FAM13C: variants seen among roughly 807,000 people sequenced by gnomAD.
FAM13C encodes the protein protein FAM13C.
Under a neutral mutation model 73.2 loss-of-function variants are expected in FAM13C, and 37 were observed. The observed-to-expected ratio is 0.51, with a 90% CI of 0.39 to 0.67. The LOEUF is 0.67. FAM13C is among the 30% of genes least tolerant of loss of function. The pLI, the probability that FAM13C is intolerant of heterozygous loss-of-function variation, is 0.00. For synonymous variants in FAM13C, 246 were observed against 260.9 expected, an observed-to-expected ratio of 0.94 and a Z score of 0.55; for missense variants, 589 against 715.6, an observed-to-expected ratio of 0.82 and a Z score of 2.02.
At chr10:59,326,260 G>A (rs904181843) in intron 3 of FAM13C, among the ~76,000 whole-genome samples, 1 of 152,162 alleles carries the variant, frequency 6.6e-6, no homozygotes. Flanking sequence ...AAGATAAGGA[G>A]TATTTGGACA....
rs1845163174 is a variant in FAM13C, at chr10:59,283,408, G to T, written c.547C>A (p.Pro183Thr). ...GCAAGCACGCTCTGGGTTGATGCTGGCGCCGGGTCCTTGACTCCATGCACC... is the reference window on the plus strand; with the variant it reads ...GCAAGCACGCTCTGGGTTGATGCTGTCGCCGGGTCCTTGACTCCATGCACC... ...AQVHGVKDPA[P>T]ASTQSVLADG... The change falls in exon 6 of 14, where the codon CCA becomes ACA. Residue 183 changes from proline to threonine, a missense_variant. By Grantham distance (38) the Pro-to-Thr change is conservative. Transcript: ENST00000618804. 6.2e-7 allele frequency: 1 copy of T among 1,614,198 alleles called. No homozygotes were observed. Among genetic ancestry groups the T allele is most frequent in the Non-Finnish European group, 8.5e-7 (1 of 1,180,026 alleles).
intron 8 of FAM13C, among the ~76,000 whole-genome samples, chr10:59,267,389 C>A (rs1253921029): frequency 6.6e-6 from 1 of 152,186 alleles, no homozygotes; most frequent in African/African-American, 2.4e-5. Flanking sequence ...CAAGTCATTT[C>A]CATCAGGTGT....
intron 3 of FAM13C, 55 bp from the exon 4 acceptor site, chr10:59,324,161 G>A (rs1460503785): frequency 1.5e-6 from 2 of 1,363,024 alleles, no homozygotes; most frequent in East Asian, 2.3e-5. Context: ...CAGTTCCATA[G>A]CATTATTATG....
chr10:59,260,051 G>A (rs1345267930), intron 10 of FAM13C, among the ~76,000 whole-genome samples: 1 of 151,628 alleles, frequency 6.6e-6, no homozygotes, highest in Non-Finnish European at 1.5e-5. Flanking sequence ...TCAGTAAATG[G>A]ACCCATCACC....
intron 6 of FAM13C, among the ~76,000 whole-genome samples, chr10:59,280,995 C>T (rs1055064079): frequency 6.6e-5 from 10 of 152,112 alleles, no homozygotes; most frequent in Non-Finnish European, 7.3e-5. Flanking sequence ...TTCAAAATCA[C>T]GGATTTTGTC....
chr10:59,269,917 C>A lies in FAM13C; in HGVS notation c.785G>T (p.Ser262Ile). The A allele has an allele frequency of 6.2e-7, 1 of 1,613,838 alleles. No individual in the cohort carries two copies. The highest frequency in any genetic ancestry group is 8.5e-7 in the Non-Finnish European group (1 of 1,179,872). Residue 262 changes from serine (S) to isoleucine (I), a missense_variant, in exon 7 of 14, where the codon AGC becomes ATC. Transcript: ENST00000618804. The stretch of plus-strand genomic sequence containing the variant: ...TTCTCACATCATAAACTGCTGAGTG[C>A]TGGGTGGAGATGGGGCTGACTCGGG... ...LDPESAPSPP[S>I]TQQFMMPRSS...
chr10:59,269,818 A>C (rs1443360896), intron 7 of FAM13C, 81 bp downstream of exon 7: 1 of 1,483,868 alleles, frequency 6.7e-7, no homozygotes, highest in Non-Finnish European at 9.2e-7. Flanking sequence ...GTGCTACTTC[A>C]GTCACACTTC....
At position 59,262,504 on chromosome 10, in the gene FAM13C, T is replaced by G. The variant is rs1842609268; in HGVS notation, c.1166A>C (p.Glu389Ala). 1 of 1,613,632 alleles carries G rather than the reference T, an allele frequency of 6.2e-7. No homozygotes were observed. ...AGPEPSSSGE[E>A]TPDAALTCLK... is the part of the protein sequence containing the mutation. ...GCATGTCAAGGCAGCATCTGGAGTC[T>G]CTTCTCCAGAGGAGCTTGGCTCCGG... The change falls in exon 10 of 14, where the codon GAG becomes GCG. Residue 389 changes from glutamate to alanine, a missense_variant. Coordinates refer to ENST00000618804, the MANE Select transcript of FAM13C (RefSeq NM_198215.4).
At chr10:59,285,485 T>C (rs1368514880) in intron 5 of FAM13C, among the ~76,000 whole-genome samples, 2 of 152,028 alleles carry the variant, frequency 1.3e-5, no homozygotes, top group African/African-American at 4.8e-5. Flanking sequence ...GATTAACAAA[T>C]AATGCCATGG....
chr10:59,329,156 T>C (rs1273457676), intron 3 of FAM13C, among the ~76,000 whole-genome samples: 1 of 152,068 alleles, frequency 6.6e-6, no homozygotes, highest in Admixed American at 6.6e-5. Flanking sequence ...CTTTAAGAAA[T>C]AGGGAACCAA....
At chr10:59,326,185 T>C (rs1851096947) in intron 3 of FAM13C, among the ~76,000 whole-genome samples, 1 of 152,092 alleles carries the variant, frequency 6.6e-6, no homozygotes, top group Non-Finnish European at 1.5e-5. Flanking sequence ...AGAAAGTGCC[T>C]CCTTAATATG....
At chr10:59,282,379 T>C (rs1283969266) in intron 6 of FAM13C, among the ~76,000 whole-genome samples, 2 of 152,142 alleles carry the variant, frequency 1.3e-5, no homozygotes, top group African/African-American at 2.4e-5. Flanking sequence ...ACTATGTGGG[T>C]CTGTTTTCTT....
At chr10:59,262,734 C>T in intron 9 of FAM13C, 89 bp from the exon 10 acceptor site, 1 of 1,107,230 alleles carries the variant, frequency 9.0e-7, no homozygotes. Context: ...TCCCCTGATG[C>T]CAAATCTGTA....
At chr10:59,349,228 T>C (rs284611) in intron 3 of FAM13C, among the ~76,000 whole-genome samples, 151,228 of 152,358 alleles carry the variant, frequency 0.99, 75,062 homozygotes, top group Middle Eastern at 1. Context: ...ACATTTTCCT[T>C]CAATGGTTGC....
At chr10:59,308,901 G>A (rs1198332119) in intron 4 of FAM13C, among the ~76,000 whole-genome samples, 1 of 152,132 alleles carries the variant, frequency 6.6e-6, no homozygotes, top group Non-Finnish European at 1.5e-5. Context: ...AGGTGTACTG[G>A]AGTTCAAAAC....
At chr10:59,301,760 T>C (rs192698565) in intron 5 of FAM13C, among the ~76,000 whole-genome samples, 3 of 152,318 alleles carry the variant, frequency 2.0e-5, no homozygotes, top group Admixed American at 6.5e-5. Context: ...AGGAAGATTG[T>C]AGAATTTGGA....
intron 3 of FAM13C, 110 bp from the exon 4 acceptor site, chr10:59,324,216 T>A (rs1480933701): frequency 1.4e-5 from 11 of 798,660 alleles, no homozygotes; most frequent in African/African-American, 3.5e-5. Flanking sequence ...GCATAACACA[T>A]TCTGCTGATT....
chr10:59,268,539 C>G lies in FAM13C; in HGVS notation c.942+14G>C, dbSNP rs759342873. The stretch of plus-strand genomic sequence containing the variant: ...TGACCAATCCGCTCCTATGTCAAAC[C>G]CCAGGGTTCTTACCCGGTATTTCTT... On this transcript the variant is annotated intron_variant, in intron 8 of 13. Coordinates refer to ENST00000618804, the MANE Select transcript of FAM13C (RefSeq NM_198215.4). The G allele has an allele frequency of 1.3e-5, 21 of 1,613,360 alleles. No individual in the cohort carries two copies. The highest frequency in any genetic ancestry group is 1.8e-5 in the Non-Finnish European group (21 of 1,179,548).
chr10:59,254,412 G>T lies in FAM13C; in HGVS notation c.1268C>A (p.Pro423Gln). Residue 423 changes from proline to glutamine, a missense_variant, in exon 11 of 14, where the codon CCG becomes CAG. Physicochemically the swap from Pro to Gln is moderately conservative, Grantham distance 76. Transcript: ENST00000618804. ...VTKQDKNLIK[P>Q]LYDRYRIIKQ... ...GATAATTCTGTATCGGTCATAAAGCGGCTTTATGAGGTTCTTGTCTTGCTT... is the reference window on the plus strand; with the variant it reads ...GATAATTCTGTATCGGTCATAAAGCTGCTTTATGAGGTTCTTGTCTTGCTT... 1 of 1,548,702 alleles carries T rather than the reference G, an allele frequency of 6.5e-7. No individual in the cohort carries two copies. Among genetic ancestry groups the T allele is most frequent in the Non-Finnish European group, 8.7e-7 (1 of 1,146,412 alleles).
Sources: gnomAD v4.1 joint callset for allele counts (sites outside exome capture counted in the v4.1 genomes callset) on GRCh38, gnomAD v4.1.1 for gene constraint, MANE v1.5 for transcripts, NCBI Gene and HGNC (gene_info 2026-07-23, HGNC 2026-07-21) for gene names.